The following ADAMTS2 variants were observed in gnomAD, a reference collection of about 807,000 sequenced individuals.
ADAMTS2 encodes the protein ADAM metallopeptidase with thrombospondin type 1 motif 2.
Under a neutral mutation model 123.0 loss-of-function variants are expected in ADAMTS2, and 50 were observed. That is an observed-to-expected ratio of 0.41 (90% CI 0.32 to 0.51). The LOEUF (loss-of-function observed/expected upper bound fraction) is 0.51. Ranked by LOEUF, ADAMTS2 falls within the 20% of genes least tolerant of loss-of-function variation. The pLI is 0.35. For missense variants in ADAMTS2, 1,494 were observed against 1,705.2 expected (o/e 0.88, Z 2.18); for synonymous variants, 678 against 695.4 (o/e 0.98, Z 0.39).
At chr5:179,261,889 C>T (rs1320062572) in intron 3 of ADAMTS2, among the ~76,000 whole-genome samples, 1 of 152,168 alleles carries the variant, frequency 6.6e-6, no homozygotes, top group Non-Finnish European at 1.5e-5. Context: ...CCATGGGACC[C>T]CAAACCTCAC....
intron 2 of ADAMTS2, chr5:179,341,407 G>A (rs975296454): frequency 6.4e-5 from 21 of 329,028 alleles, no homozygotes; most frequent in South Asian, 2.9e-4. Flanking sequence ...GAGGACAAGC[G>A]AAAAGAAAAG....
chr5:179,343,635 C>T (rs1187427879), intron 2 of ADAMTS2, 132 bp downstream of exon 2: 18 of 1,268,874 alleles, frequency 1.4e-5, no homozygotes, highest in Non-Finnish European at 1.8e-5. Flanking sequence ...GCACGAGGCT[C>T]ACTAAAGCAC....
Position 179,197,364 on chromosome 5 carries a change from C to A in ADAMTS2, c.891+10149G>T, listed in dbSNP as rs935434070. Among the ~76,000 whole-genome samples, 1 of 152,204 alleles carries A rather than the reference C, an allele frequency of 6.6e-6. No individual in the cohort carries two copies. The highest frequency in any genetic ancestry group is 2.4e-5 in the African/African-American group (1 of 41,442). On this transcript the variant is annotated intron_variant, in intron 4 of 21. Coordinates refer to ENST00000251582, the MANE Select transcript of ADAMTS2 (RefSeq NM_014244.5). This position sits in a 1 kb window ranked among gnomAD's most constrained non-coding sequence, Gnocchi z 4.2. The stretch of plus-strand genomic sequence containing the variant: ...CGCTTTAGTGAAATGCTTGAAGCCA[C>A]AAAGGAAGCTTCAGCCTTGGGCCCA...
At chr5:179,254,261 A>G (rs191441221) in intron 3 of ADAMTS2, among the ~76,000 whole-genome samples, 189 of 152,328 alleles carry the variant, frequency 1.2e-3, no homozygotes, top group Middle Eastern at 0.01. Flanking sequence ...TTTTAGATCA[A>G]TCCTTAGAAG....
chr5:179,237,038 T>C (rs1765545393), intron 3 of ADAMTS2, among the ~76,000 whole-genome samples: 1 of 152,042 alleles, frequency 6.6e-6, no homozygotes, highest in Admixed American at 6.6e-5. Flanking sequence ...GAGGATAGCT[T>C]GAGCACAGAA....
chr5:179,152,084 A>G, intron 10 of ADAMTS2, 58 bp downstream of exon 10: 1 of 1,502,410 alleles, frequency 6.7e-7, no homozygotes, highest in Non-Finnish European at 9.2e-7. Context: ...TGACCCGGGC[A>G]CCTAAGATTC....
chr5:179,137,910 C>CACCT lies in ADAMTS2; in HGVS notation c.1809_1810insAGGT (p.Ala604ArgfsTer19). 6.4e-7 allele frequency: 1 copy of CACCT among 1,552,168 alleles called. No individual in the cohort carries two copies. Among genetic ancestry groups the CACCT allele is most frequent in the Non-Finnish European group, 8.7e-7 (1 of 1,149,540 alleles). ...CGGCTGCAGAGCTGGAAGTCGTAGG[C>CACCT]AAGGCCCGAGCAGGTGCGGCCCCCG... is the stretch of plus-strand genomic sequence containing the variant. On this transcript the variant is annotated frameshift_variant, in exon 12 of 22. Coordinates refer to ENST00000251582, the MANE Select transcript of ADAMTS2 (RefSeq NM_014244.5). LOFTEE classifies it high-confidence loss of function.
chr5:179,276,750 G>A (rs1201813701), intron 2 of ADAMTS2, among the ~76,000 whole-genome samples: 1 of 152,198 alleles, frequency 6.6e-6, no homozygotes, highest in Non-Finnish European at 1.5e-5. Flanking sequence ...AGACTGGGCC[G>A]ATTGAGCCAA....
intron 2 of ADAMTS2, among the ~76,000 whole-genome samples, chr5:179,278,057 CCG>C (rs1581241235): frequency 1.4e-3 from 1 of 730 alleles, no homozygotes; most frequent in African/African-American, 3.6e-3. Context: ...TGACACCCCC[CCG>C]AGACCAAAGG....
At position 179,180,361 on chromosome 5, in the gene ADAMTS2, C is replaced by A. The variant is rs1764018257; in HGVS notation, c.975+711G>T. On this transcript the variant is annotated intron_variant, in intron 5 of 21. Coordinates refer to ENST00000251582, the MANE Select transcript of ADAMTS2 (RefSeq NM_014244.5). The surrounding 1 kb of genome is among the most constrained non-coding windows in gnomAD (Gnocchi z 4.6). The stretch of plus-strand genomic sequence containing the variant: ...AGCCCAGCTGGGACAGCAGCCGAGG[C>A]CAGAGGAGAGGAGGCCACAGATTTA... 6.6e-6 allele frequency among the ~76,000 whole-genome samples: 1 copy of A among 152,162 alleles called. No individual in the cohort carries two copies. The highest frequency in any genetic ancestry group is 2.4e-5 in the African/African-American group (1 of 41,440).
rs544591745 is a variant in ADAMTS2, at chr5:179,228,987, C to A, written c.689-21272G>T. 1.6e-3 allele frequency among the ~76,000 whole-genome samples: 245 copies of A among 152,310 alleles called. No individual in the cohort carries two copies. The highest frequency in any genetic ancestry group is 5.6e-3 in the African/African-American group (232 of 41,562). On this transcript the variant is annotated intron_variant, in intron 3 of 21. Coordinates refer to ENST00000251582, the MANE Select transcript of ADAMTS2 (RefSeq NM_014244.5). The surrounding 1 kb of genome is among the most constrained non-coding windows in gnomAD (Gnocchi z 5.2). ...GTGACAGCCAGCACGTGAGCAAGTG[C>A]CCTGGGTTCTGGTCCCAGCAAAGCT...
At position 179,262,314 on chromosome 5, in the gene ADAMTS2, C is replaced by T. The variant is rs1027233155; in HGVS notation, c.688+10597G>A. 6.6e-6 allele frequency among the ~76,000 whole-genome samples: 1 copy of T among 152,086 alleles called. No homozygotes were observed. Among genetic ancestry groups the T allele is most frequent in the African/African-American group, 2.4e-5 (1 of 41,396 alleles). ...GATGTGTCCTTGATTCCTTCCTTCA[C>T]ACCACGTCCCGGAAGCTCCACCTCA... On this transcript the variant is annotated intron_variant, in intron 3 of 21. Coordinates refer to ENST00000251582, the MANE Select transcript of ADAMTS2 (RefSeq NM_014244.5). This position sits in a 1 kb window ranked among gnomAD's most constrained non-coding sequence, Gnocchi z 5.9.
At chr5:179,205,881 C>T (rs1764676589) in intron 4 of ADAMTS2, among the ~76,000 whole-genome samples, 1 of 152,002 alleles carries the variant, frequency 6.6e-6, no homozygotes. Flanking sequence ...ACGCCATTCT[C>T]CTGCCTCAGC....
rs80046937 is a variant in ADAMTS2, at chr5:179,165,360, G to A, written c.976-6481C>T. Among the ~76,000 whole-genome samples, 484 of 152,330 alleles carry A rather than the reference G, an allele frequency of 3.2e-3. 16 individuals are homozygous for A. The East Asian group carries it at 0.078, about 25-fold the overall frequency. The stretch of plus-strand genomic sequence containing the variant: ...ATCTCCTCCAGAAGTGAGGGAGGCT[G>A]CACTGCTTGTTTCCACTGAGGAGTC... On this transcript the variant is annotated intron_variant, in intron 5 of 21. Transcript: ENST00000251582.
rs183751003 is a variant in ADAMTS2, at chr5:179,332,800, G to A, written c.534+10967C>T. Among the ~76,000 whole-genome samples the A allele has an allele frequency of 1.3e-5, 2 of 152,158 alleles. No homozygotes were observed. The highest frequency in any genetic ancestry group is 1.9e-4 in the East Asian group (1 of 5,146). On this transcript the variant is annotated intron_variant, in intron 2 of 21. Transcript: ENST00000251582. This position sits in a 1 kb window ranked among gnomAD's most constrained non-coding sequence, Gnocchi z 4.2. ...GAGAGGAGACCAGGAGCCTCCCAGG[G>A]CCTGGGCACCTGCCTGGGAGGGCAC...
Position 179,154,123 on chromosome 5 carries a change from C to A in ADAMTS2, c.1308G>T (p.Ala436=). Residue 436 remains alanine, a synonymous_variant, in exon 8 of 22, where the codon GCG becomes GCT. Transcript: ENST00000251582. ...GDEVRLGSIM[A]PLVQAAFHRF... is the part of the protein sequence containing the mutation. The stretch of plus-strand genomic sequence containing the variant: ...GGTGGAAGGCGGCCTGCACCAGGGG[C>A]GCCATGATGCTGCCCAGCCGCACCT... The A allele has an allele frequency of 1.9e-6, 3 of 1,594,600 alleles. No homozygotes were observed. Among genetic ancestry groups the A allele is most frequent in the Non-Finnish European group, 1.7e-6 (2 of 1,175,626 alleles).
chr5:179,125,902 T>C (rs1762847084), intron 18 of ADAMTS2, 96 bp downstream of exon 18: 3 of 1,542,418 alleles, frequency 1.9e-6, no homozygotes, highest in Non-Finnish European at 2.7e-6. Flanking sequence ...ATGCCTCGGA[T>C]GATGCCAGGC....
At chr5:179,251,859 T>TA (rs1266856389) in intron 3 of ADAMTS2, among the ~76,000 whole-genome samples, 1 of 152,056 alleles carries the variant, frequency 6.6e-6, no homozygotes, top group Non-Finnish European at 1.5e-5. Flanking sequence ...ACTTTTTTTT[T>TA]AATGCAGAGA....
intron 20 of ADAMTS2, among the ~76,000 whole-genome samples, chr5:179,122,205 G>T (rs1446514455): frequency 6.6e-6 from 1 of 152,186 alleles, no homozygotes; most frequent in Admixed American, 6.5e-5. Context: ...GGCAGGCACG[G>T]TCCAGTCTTG....
Sources: gnomAD v4.1 joint callset for allele counts (sites outside exome capture counted in the v4.1 genomes callset) on GRCh38, gnomAD v4.1.1 for gene constraint, Gnocchi (gnomAD v3.1) non-coding constraint, MANE v1.5 for transcripts, NCBI Gene and HGNC (gene_info 2026-07-23, HGNC 2026-07-21) for gene names.